Variants in SDCBP2 observed in about 807,000 individuals in gnomAD.
The protein encoded by SDCBP2 is syndecan binding protein 2, also known as syntenin-2.
Under a neutral mutation model 30.7 loss-of-function variants are expected in SDCBP2, and 28 were observed. The observed-to-expected ratio is 0.91, with a 90% CI of 0.68 to 1.25. The LOEUF (loss-of-function observed/expected upper bound fraction) is 1.25, where lower values mean the gene tolerates loss of function less well. Ranked by LOEUF, SDCBP2 falls within the 50% of genes most tolerant of loss-of-function variation. SDCBP2 has a pLI of 0.00. For missense variants in SDCBP2, 399 were observed against 379.0 expected, an observed-to-expected ratio of 1.05 and a Z score of -0.44; for synonymous variants, 166 against 157.3, an observed-to-expected ratio of 1.06 and a Z score of -0.41.
intron 1 of SDCBP2, among the ~76,000 whole-genome samples, chr20:1,327,253 G>A (rs138984671): frequency 1.8e-3 from 280 of 152,236 alleles, no homozygotes; most frequent in African/African-American, 6.5e-3. Flanking sequence ...GCTGGGCTTC[G>A]GAGATCAGCA....
intron 1 of SDCBP2, chr20:1,322,710 A>G (rs561333843): frequency 6.6e-6 from 1 of 152,290 alleles, no homozygotes; most frequent in African/African-American, 2.4e-5. Context: ...TAGCTGGGAC[A>G]TAGGTGCATG....
intron 1 of SDCBP2, among the ~76,000 whole-genome samples, chr20:1,327,363 C>T (rs1055645496): frequency 1.3e-5 from 2 of 152,206 alleles, no homozygotes; most frequent in Non-Finnish European, 2.9e-5. Flanking sequence ...AACTCCCACT[C>T]GTTCCTGTGG....
Position 1,318,608 on chromosome 20 carries a change from G to T in SDCBP2, c.125-190C>A, listed in dbSNP as rs147426515. On this transcript the variant is annotated intron_variant, in intron 3 of 8. Coordinates refer to ENST00000360779, the MANE Select transcript of SDCBP2 (RefSeq NM_080489.5). ...GCTCCTCAGAGGGCCCAGGTGCAGG[G>T]TAGGACACCGAGTCCTCATGCACCA... Among the ~76,000 whole-genome samples the T allele has an allele frequency of 1.2e-4, 19 of 152,270 alleles. No individual in the cohort carries two copies. In the East Asian group the frequency reaches 3.3e-3, roughly 26 times the overall value.
chr20:1,323,668 C>G (rs1471057556), intron 1 of SDCBP2: 1 of 152,196 alleles, frequency 6.6e-6, no homozygotes, highest in Non-Finnish European at 1.5e-5. Flanking sequence ...CCAACATCCA[C>G]AGCTGCTTAT....
At chr20:1,312,277 C>A in intron 7 of SDCBP2, 60 bp downstream of exon 7, 1 of 1,554,726 alleles carries the variant, frequency 6.4e-7, no homozygotes, top group Non-Finnish European at 8.7e-7. Context: ...AGCAAGCTGC[C>A]CAAAGACCTG....
rs10717069 is a variant in SDCBP2 at position 1,313,897 on chromosome 20, TG to T, written c.226-400del. On this transcript the variant is annotated intron_variant, in intron 4 of 8. Coordinates refer to ENST00000360779, the MANE Select transcript of SDCBP2 (RefSeq NM_080489.5). The surrounding 1 kb of genome is among the most constrained non-coding windows in gnomAD (Gnocchi z 5.2). The stretch of plus-strand genomic sequence containing the variant: ...AAAAATGTAAAAATATACAAATTCA[TG>T]ATGCAGAAAAAGGCAAGGAACTTCA... 0.13 allele frequency among the ~76,000 whole-genome samples: 19,099 copies of T among 152,060 alleles called. 1,811 individuals are homozygous for T. Among genetic ancestry groups the T allele is most frequent in the East Asian group, 0.55 (2,843 of 5,148 alleles).
In SDCBP2 at chr20:1,313,481, G is replaced by A. The variant is rs757411720; in HGVS notation, c.243C>T (p.Pro81=). 1.9e-5 allele frequency: 30 copies of A among 1,592,402 alleles called. No individual in the cohort carries two copies. Among genetic ancestry groups the A allele is most frequent in the African/African-American group, 1.3e-5 (1 of 74,616 alleles). The change falls in exon 5 of 9, where the codon CCC becomes CCT. Residue 81 remains proline (P), a synonymous_variant. Coordinates refer to ENST00000360779, the MANE Select transcript of SDCBP2 (RefSeq NM_080489.5). This position sits in a 1 kb window ranked among gnomAD's most constrained non-coding sequence, Gnocchi z 5.2. ...CCGGTGCCACCATCTGGCCGGGCCC[G>A]GGGCCCGAGACCGCTGTCTGCAGAC... ...PEGDSTAVSG[P]GPGQMVAPVT...
chr20:1,325,430 C>T (rs2088908145), intron 1 of SDCBP2: 1 of 152,256 alleles, frequency 6.6e-6, no homozygotes, highest in Non-Finnish European at 1.5e-5. Flanking sequence ...CAGAGTGGAA[C>T]ATGGCGGCCT....
At chr20:1,323,837 T>A (rs2088881408) in intron 1 of SDCBP2, 1 of 152,174 alleles carries the variant, frequency 6.6e-6, no homozygotes, top group African/African-American at 2.4e-5. Context: ...TTTTTTTAAT[T>A]TTTATTTTTA....
chr20:1,325,437 G>T (rs1042279437), intron 1 of SDCBP2: 2 of 152,232 alleles, frequency 1.3e-5, no homozygotes, highest in Non-Finnish European at 2.9e-5. Context: ...GAACATGGCG[G>T]CCTCCTTGCC....
Position 1,320,610 on chromosome 20 carries a change from T to G in SDCBP2, c.-19-175A>C. The G allele has an allele frequency of 1.9e-6, 1 of 532,030 alleles. No individual in the cohort carries two copies. The highest frequency in any genetic ancestry group is 2.4e-5 in the South Asian group (1 of 41,054). 33.0% of individuals were successfully genotyped at this position (532,030 alleles called of 1,614,324 possible). A position where few individuals can be genotyped will look rare whatever the true frequency, so the allele number is the denominator to read the frequency against. ...CCTAATCCCCTGTCGATATTTGAAC[T>G]CTACTGTATTCCACTCATCTCCAGC... On this transcript the variant is annotated intron_variant, in intron 1 of 8. Coordinates refer to ENST00000360779, the MANE Select transcript of SDCBP2 (RefSeq NM_080489.5). The surrounding 1 kb of genome is among the most constrained non-coding windows in gnomAD (Gnocchi z 4.7).
Position 1,310,158 on chromosome 20 carries a change from T to C in SDCBP2, c.*283A>G. 2 of 344,236 alleles carry C rather than the reference T, an allele frequency of 5.8e-6. No homozygotes were observed. The highest frequency in any genetic ancestry group is 1.7e-4 in the South Asian group (2 of 11,962). The allele number at this position is 344,236 out of a possible 1,614,324, so 21.3% of individuals were successfully genotyped here. On this transcript the variant is annotated 3_prime_UTR_variant, in exon 9 of 9. Transcript: ENST00000360779. The stretch of plus-strand genomic sequence containing the variant: ...CTTGAAAGGGGCCCAGTTGCGACTT[T>C]AAGCAGCGTTTAAACAGCCTGCCTC...
chr20:1,310,720 C>T (rs2088650753), intron 8 of SDCBP2, 80 bp downstream of exon 8: 1 of 1,298,198 alleles, frequency 7.7e-7, no homozygotes, highest in Admixed American at 1.8e-5. Context: ...AGTGGCTGAG[C>T]CAGGTGCACC....
chr20:1,318,205 G>C, intron 4 of SDCBP2, 113 bp downstream of exon 4: 1 of 774,032 alleles, frequency 1.3e-6, no homozygotes, highest in Non-Finnish European at 2.3e-6. Flanking sequence ...GAGTGCTGGG[G>C]AGAGGGGAGG....
intron 7 of SDCBP2, among the ~76,000 whole-genome samples, chr20:1,312,122 C>T (rs1369211836): frequency 8.2e-4 from 2 of 2,434 alleles, no homozygotes; most frequent in African/African-American, 4.4e-4. Context: ...TGGTCTCGTG[C>T]TCCTGGACTT....
rs2088809405 is a variant in SDCBP2 at position 1,318,400 on chromosome 20, G to T, written c.143C>A (p.Ala48Glu). The T allele has an allele frequency of 1.2e-6, 2 of 1,602,126 alleles. No homozygotes were observed. The highest frequency in any genetic ancestry group is 1.7e-6 in the Non-Finnish European group (2 of 1,173,058). Residue 48 changes from alanine to glutamate, a missense_variant, in exon 4 of 9, where the codon GCA (alanine) becomes GAA (glutamate). Transcript: ENST00000360779. ...AAGACCCATATAATTTTCCAGTTCT[G>T]CCAAGTTTGGGTACAAAACTGATAG... ...SPPPVLYPNL[A>E]ELENYMGLSL...
intron 5 of SDCBP2, chr20:1,312,973 C>A: frequency 1.6e-6 from 1 of 614,532 alleles, no homozygotes; most frequent in South Asian, 2.0e-5. Context: ...GGATTTCAAC[C>A]CTGGCCTGGG....
At chr20:1,319,491 C>T in intron 3 of SDCBP2, 99 bp downstream of exon 3, 1 of 1,279,352 alleles carries the variant, frequency 7.8e-7, no homozygotes, top group Non-Finnish European at 1.1e-6. Context: ...AGTCCTTAAC[C>T]CTGGAGCCTC....
intron 7 of SDCBP2, among the ~76,000 whole-genome samples, 186 bp downstream of exon 7, chr20:1,312,151 G>T (rs1000931320): frequency 6.6e-6 from 1 of 152,008 alleles, no homozygotes; most frequent in Non-Finnish European, 1.5e-5. Context: ...TCCTGCTTTG[G>T]CCTCTCAAAG....
Sources: gnomAD v4.1 joint callset for allele counts (sites outside exome capture counted in the v4.1 genomes callset) on GRCh38, gnomAD v4.1.1 for gene constraint, Gnocchi (gnomAD v3.1) non-coding constraint, MANE v1.5 for transcripts, NCBI Gene and HGNC (gene_info 2026-07-23, HGNC 2026-07-21) for gene names.